The following CTNNA2 variants were observed in gnomAD, a reference collection of about 807,000 sequenced individuals.
The protein encoded by CTNNA2 is catenin alpha 2.
Under a neutral mutation model 101.0 loss-of-function variants are expected in CTNNA2, and 42 were observed. The ratio of observed to expected loss-of-function variants is 0.42; its 90% CI spans 0.32 to 0.54. The LOEUF is 0.54. Among genes scored for constraint, CTNNA2 ranks in the 20% least tolerant of loss-of-function variants. The probability of loss-of-function intolerance (pLI) is 0.14; values close to 1 mark genes in which losing one functional copy is unlikely to be tolerated. For missense variants in CTNNA2, 871 were observed against 1,223.1 expected (o/e 0.71, Z 4.29); for synonymous variants, 450 against 456.4 (o/e 0.99, Z 0.18).
chr2:79,509,013 A>ATATAT (rs1671478933), upstream of CTNNA2, among the ~76,000 whole-genome samples: 1 of 119,348 alleles, frequency 8.4e-6, no homozygotes, highest in South Asian at 2.5e-4. Context: ...ATATATATAT[A>ATATAT]AACAATTACC....
At chr2:80,058,264 A>G (rs1272764382) in intron 7 of CTNNA2, among the ~76,000 whole-genome samples, 2 of 152,252 alleles carry the variant, frequency 1.3e-5, no homozygotes, top group Non-Finnish European at 2.9e-5. Context: ...CTGGTCTTGC[A>G]ATACCCATAT....
chr2:80,413,677 T>C (rs1259881040), intron 8 of CTNNA2, among the ~76,000 whole-genome samples: 1 of 152,234 alleles, frequency 6.6e-6, no homozygotes, highest in Non-Finnish European at 1.5e-5. Flanking sequence ...CCCCCTAGGC[T>C]GGATGGCTCC....
intron 3 of CTNNA2, among the ~76,000 whole-genome samples, chr2:79,796,256 T>C (rs1675684563): frequency 6.6e-6 from 1 of 152,154 alleles, no homozygotes; most frequent in South Asian, 2.1e-4. Context: ...TTTAATATTG[T>C]AATCCCTTTA....
intron 7 of CTNNA2, among the ~76,000 whole-genome samples, chr2:80,281,796 TATTG>T (rs1674404712): frequency 6.6e-6 from 1 of 152,110 alleles, no homozygotes; most frequent in African/African-American, 2.4e-5. Context: ...ACAAAATTAT[TATTG>T]ATAAAGGCTA....
chr2:79,230,168 T>C (rs758092601), intron 2 of CTNNA2, among the ~76,000 whole-genome samples: 11 of 152,202 alleles, frequency 7.2e-5, no homozygotes, highest in Non-Finnish European at 1.3e-4. Flanking sequence ...TAATTCCCAA[T>C]ACAATGGGGA....
At chr2:79,559,681 C>T (rs576930780) in intron 1 of CTNNA2, among the ~76,000 whole-genome samples, 18 of 151,632 alleles carry the variant, frequency 1.2e-4, no homozygotes, top group African/African-American at 2.7e-4. Flanking sequence ...ACAGAGAGTA[C>T]GTGGAAGTAG....
chr2:80,212,723 C>A (rs962153992), intron 7 of CTNNA2, among the ~76,000 whole-genome samples: 6 of 152,148 alleles, frequency 3.9e-5, no homozygotes, highest in African/African-American at 1.2e-4. Flanking sequence ...CAGGATGATG[C>A]TGGCCTCATA....
chr2:79,444,126 C>G (rs1384514568), intron 4 of CTNNA2, among the ~76,000 whole-genome samples: 1 of 151,956 alleles, frequency 6.6e-6, no homozygotes, highest in African/African-American at 2.4e-5. Context: ...ATAACCCTAG[C>G]CAAAATCTTG....
At chr2:80,640,195 A>G (rs532375715) in intron 18 of CTNNA2, among the ~76,000 whole-genome samples, 1 of 152,356 alleles carries the variant, frequency 6.6e-6, no homozygotes, top group African/African-American at 2.4e-5. Flanking sequence ...AAGTCGTGAT[A>G]CAATGGATGA....
At chr2:79,426,610 C>G (rs371514361) in intron 4 of CTNNA2, among the ~76,000 whole-genome samples, 2 of 152,106 alleles carry the variant, frequency 1.3e-5, no homozygotes, top group Admixed American at 6.6e-5. Context: ...AAAATATATA[C>G]TCAGTGAATA....
At chr2:80,621,828 T>C (rs139756136) in intron 18 of CTNNA2, among the ~76,000 whole-genome samples, 85 of 152,022 alleles carry the variant, frequency 5.6e-4, no homozygotes, top group African/African-American at 2.0e-3. Context: ...TCTGTACATG[T>C]GCCAAGTGCC....
intron 1 of CTNNA2, among the ~76,000 whole-genome samples, chr2:79,538,425 G>A (rs1452478373): frequency 1.3e-5 from 2 of 152,096 alleles, no homozygotes; most frequent in Non-Finnish European, 2.9e-5. Context: ...TATTGCAAAC[G>A]TGGTATTTAG....
At chr2:79,257,290 CTG>C (rs1674860446) in intron 2 of CTNNA2, among the ~76,000 whole-genome samples, 1 of 151,994 alleles carries the variant, frequency 6.6e-6, no homozygotes, top group African/African-American at 2.4e-5. Flanking sequence ...ACACCAAGCA[CTG>C]TGCCCAATCA....
At chr2:79,682,856 T>TA (rs1358186661) in intron 2 of CTNNA2, among the ~76,000 whole-genome samples, 21 of 152,326 alleles carry the variant, frequency 1.4e-4, no homozygotes, top group Non-Finnish European at 2.5e-4. Flanking sequence ...TTATATTAAA[T>TA]AAAAAACCAA....
intron 7 of CTNNA2, among the ~76,000 whole-genome samples, chr2:80,238,031 T>A (rs942481510): frequency 2.0e-5 from 3 of 152,120 alleles, no homozygotes; most frequent in Admixed American, 6.5e-5. Context: ...CATTTAGGTA[T>A]CTGTGCCGTC....
intron 7 of CTNNA2, among the ~76,000 whole-genome samples, chr2:79,977,981 A>G (rs750330619): frequency 5.9e-5 from 9 of 152,184 alleles, no homozygotes; most frequent in Non-Finnish European, 1.3e-4. Context: ...TCCAGCTGAA[A>G]TACTAGTACA....
intron 7 of CTNNA2, among the ~76,000 whole-genome samples, chr2:79,948,547 TAAAAG>T (rs982496087): frequency 5.9e-5 from 9 of 152,222 alleles, no homozygotes; most frequent in African/African-American, 1.4e-4. Context: ...TTTGTTTTGT[TAAAAG>T]AGAAGATATT....
At chr2:79,998,504 C>A (rs939243790) in intron 7 of CTNNA2, among the ~76,000 whole-genome samples, 1 of 152,130 alleles carries the variant, frequency 6.6e-6, no homozygotes, top group South Asian at 2.1e-4. Flanking sequence ...TTCAAGCCGG[C>A]TACCTTTTAG....
At chr2:80,036,348 A>G (rs1485796081) in intron 7 of CTNNA2, among the ~76,000 whole-genome samples, 1 of 152,108 alleles carries the variant, frequency 6.6e-6, no homozygotes, top group East Asian at 1.9e-4. Flanking sequence ...TATCCCAGCA[A>G]TTTGGGAGGC....
Sources: gnomAD v4.1 joint callset for allele counts (sites outside exome capture counted in the v4.1 genomes callset) on GRCh38, gnomAD v4.1.1 for gene constraint, MANE v1.5 for transcripts, NCBI Gene and HGNC (gene_info 2026-07-23, HGNC 2026-07-21) for gene names.